ADCY8: variants seen among roughly 807,000 people sequenced by gnomAD.
ADCY8 encodes the protein adenylate cyclase 8.
Under a neutral mutation model 119.7 loss-of-function variants are expected in ADCY8, and 51 were observed. The ratio of observed to expected loss-of-function variants is 0.43; its 90% CI spans 0.34 to 0.54. The LOEUF is 0.54. Ranked by LOEUF, ADCY8 falls within the 20% of genes least tolerant of loss-of-function variation. ADCY8 has a pLI of 0.03. For missense variants in ADCY8, 1,383 were observed against 1,598.8 expected (o/e 0.87, Z 2.30); for synonymous variants, 665 against 651.0 (o/e 1.02, Z -0.33).
intron 2 of ADCY8, among the ~76,000 whole-genome samples, chr8:130,987,603 T>C (rs1018484365): frequency 6.6e-6 from 1 of 152,184 alleles, no homozygotes; most frequent in African/African-American, 2.4e-5. Context: ...AATATTACTA[T>C]CAATCTTATT....
At chr8:130,858,868 T>C (rs1817833891) in intron 9 of ADCY8, among the ~76,000 whole-genome samples, 2 of 152,106 alleles carry the variant, frequency 1.3e-5, no homozygotes. Context: ...TTGGTTCCTG[T>C]GTCCCTTTGA....
At position 130,987,662 on chromosome 8, in the gene ADCY8, C is replaced by G. The variant is rs1822444191; in HGVS notation, c.1110+2731G>C. On this transcript the variant is annotated intron_variant, in intron 2 of 17. Transcript: ENST00000286355. ...GTATCTGCTGTCGCTTAGGTTCTTA[C>G]AGCATCTCCTTCACAGGGTATAGAA... 2.0e-5 allele frequency among the ~76,000 whole-genome samples: 3 copies of G among 152,036 alleles called. No individual in the cohort carries two copies. In the South Asian group the frequency reaches 6.2e-4, roughly 32 times the overall value.
At chr8:130,786,324 C>T (rs947548492) in intron 15 of ADCY8, among the ~76,000 whole-genome samples, 1 of 152,130 alleles carries the variant, frequency 6.6e-6, no homozygotes, top group African/African-American at 2.4e-5. Context: ...TTTACCTTTA[C>T]CTGTGGTTTC....
intron 1 of ADCY8, among the ~76,000 whole-genome samples, chr8:131,000,323 G>A (rs1450421974): frequency 6.6e-6 from 1 of 152,140 alleles, no homozygotes; most frequent in African/African-American, 2.4e-5. Flanking sequence ...GGACAAGGCA[G>A]GACACAGGTT....
chr8:130,846,739 C>CTTCCTT, intron 11 of ADCY8, among the ~76,000 whole-genome samples: 1 of 138,968 alleles, frequency 7.2e-6, no homozygotes, highest in African/African-American at 2.7e-5. Context: ...TCCTTCCTTC[C>CTTCCTT]CCTTCCTACC....
chr8:130,838,578 G>T (rs57086962), intron 11 of ADCY8, among the ~76,000 whole-genome samples: 15,088 of 102,700 alleles, frequency 0.15, 2,865 homozygotes, highest in Non-Finnish European at 0.18. Context: ...TTTCATTGTT[G>T]CCTGTATCAC....
At chr8:130,960,642 C>T (rs976326665) in intron 2 of ADCY8, among the ~76,000 whole-genome samples, 1 of 151,992 alleles carries the variant, frequency 6.6e-6, no homozygotes, top group Non-Finnish European at 1.5e-5. Flanking sequence ...CATTGTCTTG[C>T]AATAAAAACA....
intron 15 of ADCY8, among the ~76,000 whole-genome samples, chr8:130,795,411 G>A (rs1815550158): frequency 6.6e-6 from 1 of 152,202 alleles, no homozygotes; most frequent in Non-Finnish European, 1.5e-5. Context: ...AAACAAGCAT[G>A]GGTTCCTTTT....
chr8:130,788,365 T>C (rs1166613325), intron 15 of ADCY8, among the ~76,000 whole-genome samples: 1 of 152,216 alleles, frequency 6.6e-6, no homozygotes, highest in Non-Finnish European at 1.5e-5. Context: ...AAGGGCATTA[T>C]GGTAAGTGAA....
intron 16 of ADCY8, 96 bp from the exon 17 acceptor site, chr8:130,783,901 A>C (rs1815168640): frequency 1.2e-6 from 1 of 835,656 alleles, no homozygotes; most frequent in Non-Finnish European, 1.9e-6. Context: ...ACCCAACCCT[A>C]CCTGCACATC....
chr8:130,995,641 C>T (rs561315970), intron 1 of ADCY8, among the ~76,000 whole-genome samples: 3 of 152,034 alleles, frequency 2.0e-5, no homozygotes, highest in African/African-American at 7.2e-5. Flanking sequence ...AATGTCATCT[C>T]CTCTTCTTCG....
In ADCY8 at chr8:130,865,994, G is replaced by T. The variant is rs1318403039; in HGVS notation, c.2210+1852C>A. Among the ~76,000 whole-genome samples the T allele has an allele frequency of 2.0e-5, 3 of 152,072 alleles. No individual in the cohort carries two copies. In the East Asian group the frequency reaches 5.8e-4, roughly 29 times the overall value. ...TCAGTGCATATCTGTTGGCTGTATT[G>T]AGATCCTTTTGTTCCCCGGTGTGAC... On this transcript the variant is annotated intron_variant, in intron 9 of 17. Transcript: ENST00000286355.
At chr8:130,860,566 T>C (rs1333826524) in intron 9 of ADCY8, among the ~76,000 whole-genome samples, 1 of 152,204 alleles carries the variant, frequency 6.6e-6, no homozygotes, top group Non-Finnish European at 1.5e-5. Context: ...TTAATTTTTG[T>C]GAAGGTTTAA....
intron 12 of ADCY8, among the ~76,000 whole-genome samples, chr8:130,834,894 G>A (rs1185647485): frequency 6.6e-6 from 1 of 151,578 alleles, no homozygotes; most frequent in Non-Finnish European, 1.5e-5. Context: ...TATATATTCA[G>A]TACATTAGAA....
intron 2 of ADCY8, among the ~76,000 whole-genome samples, chr8:130,963,796 A>G (rs1043624382): frequency 7.9e-5 from 12 of 152,200 alleles, no homozygotes; most frequent in Non-Finnish European, 1.6e-4. Context: ...TAGATAGCTG[A>G]GAACAGAAAG....
At chr8:130,984,788 T>G (rs1208646436) in intron 2 of ADCY8, among the ~76,000 whole-genome samples, 2 of 152,048 alleles carry the variant, frequency 1.3e-5, no homozygotes, top group Non-Finnish European at 2.9e-5. Flanking sequence ...GAGTACTTTT[T>G]GGGGGAATGG....
chr8:130,905,497 GA>G (rs1819753075), intron 6 of ADCY8, among the ~76,000 whole-genome samples: 1 of 152,166 alleles, frequency 6.6e-6, no homozygotes, highest in Non-Finnish European at 1.5e-5. Context: ...TTGAATGAAA[GA>G]ATGCTTAATA....
intron 1 of ADCY8, among the ~76,000 whole-genome samples, chr8:130,994,518 T>TA (rs1563760096): frequency 2.6e-5 from 4 of 152,224 alleles, no homozygotes; most frequent in African/African-American, 9.6e-5. Flanking sequence ...ATTGCCACAT[T>TA]TGTATAAGTT....
rs546600952 is a variant in ADCY8, at chr8:130,884,560, C to T, written c.2109+4G>A. 8 of 1,613,614 alleles carry T rather than the reference C, an allele frequency of 5.0e-6. No individual in the cohort carries two copies. The African/African-American group carries it at 1.1e-4, about 22-fold the overall frequency. On this transcript the variant is annotated splice_donor_region_variant and intron_variant, in intron 8 of 17. Coordinates refer to ENST00000286355, the MANE Select transcript of ADCY8 (RefSeq NM_001115.3). ...AAAGAGCCGCTGTGGAGACCCAGCT[C>T]TACCTTGTGCTCCAGGCTGGAGTCT...
Sources: allele counts gnomAD v4.1 joint callset (sites outside exome capture counted in the v4.1 genomes callset), GRCh38; gene constraint gnomAD v4.1.1; transcripts MANE v1.5; gene names NCBI Gene and HGNC (gene_info 2026-07-23, HGNC 2026-07-21).